The following PRR5L variants were observed in gnomAD, a reference collection of about 807,000 sequenced individuals.
The protein encoded by PRR5L is proline-rich protein 5-like.
A neutral mutation model predicts 36.4 loss-of-function variants in PRR5L; 21 were observed. The observed-to-expected ratio is 0.58, with a 90% CI of 0.41 to 0.83. The LOEUF (loss-of-function observed/expected upper bound fraction) is 0.83, where lower values mean the gene tolerates loss of function less well. Ranked by LOEUF, PRR5L falls within the 40% of genes least tolerant of loss-of-function variation. PRR5L has a pLI of 0.00. For synonymous variants in PRR5L, 188 were observed against 197.0 expected, an observed-to-expected ratio of 0.95 and a Z score of 0.38; for missense variants, 381 against 473.3, an observed-to-expected ratio of 0.80 and a Z score of 1.81.
In PRR5L at chr11:36,462,496, G is replaced by T; in HGVS notation, c.867G>T (p.Arg289=). ...TGGAGAAGTGTGGCAGCGTGCGGCG[G>T]CACACGGTGGCCAATGCCCACTCGG... ...AYLEKCGSVR[R]HTVANAHSDI... Residue 289 remains arginine (R), a synonymous_variant, in exon 9 of 9, where the codon CGG becomes CGT. Transcript: ENST00000530639. 3.1e-6 allele frequency: 5 copies of T among 1,608,150 alleles called. No homozygotes were observed. The highest frequency in any genetic ancestry group is 1.7e-4 in the Middle Eastern group (1 of 6,030).
At chr11:36,393,383 T>G (rs1857598723) in intron 1 of PRR5L, among the ~76,000 whole-genome samples, 1 of 152,218 alleles carries the variant, frequency 6.6e-6, no homozygotes, top group Admixed American at 6.5e-5. Flanking sequence ...CTAGTTTCAT[T>G]CTTCTGCATA....
intron 1 of PRR5L, among the ~76,000 whole-genome samples, chr11:36,395,254 C>A (rs1487945500): frequency 6.6e-6 from 1 of 152,198 alleles, no homozygotes; most frequent in Non-Finnish European, 1.5e-5. Context: ...AATAGTCAAG[C>A]TACCATTAAA....
chr11:36,419,306 A>C lies in PRR5L; in HGVS notation c.294+3A>C, dbSNP rs1858214465. ...CATTCATTACAGACTATTTTCAGGTAAGCTGTGTGGATCTGAGCATCCATC... is the reference window on the plus strand; with the variant it reads ...CATTCATTACAGACTATTTTCAGGTCAGCTGTGTGGATCTGAGCATCCATC... On this transcript the variant is annotated splice_donor_region_variant and intron_variant, in intron 4 of 8. Transcript: ENST00000530639. The C allele has an allele frequency of 6.2e-7, 1 of 1,613,202 alleles. No individual in the cohort carries two copies. The highest frequency in any genetic ancestry group is 1.1e-5 in the South Asian group (1 of 91,072).
chr11:36,402,076 A>G (rs1036823969), intron 2 of PRR5L, among the ~76,000 whole-genome samples: 11 of 152,222 alleles, frequency 7.2e-5, no homozygotes, highest in Non-Finnish European at 1.2e-4. Flanking sequence ...TTAGGTGTCT[A>G]GCCAACCTTT....
intron 1 of PRR5L, among the ~76,000 whole-genome samples, chr11:36,347,565 T>A (rs1242763397): frequency 6.6e-6 from 1 of 151,374 alleles, no homozygotes; most frequent in East Asian, 1.9e-4. Flanking sequence ...ACTGGGAAGG[T>A]GAAGAGTGTG....
At chr11:36,425,554 C>T (rs987296116) in intron 4 of PRR5L, 1 of 152,194 alleles carries the variant, frequency 6.6e-6, no homozygotes, top group African/African-American at 2.4e-5. Flanking sequence ...TTTAAGGCCC[C>T]AATGCACGCT....
chr11:36,320,597 T>C (rs750805516), intron 1 of PRR5L, among the ~76,000 whole-genome samples: 2 of 152,230 alleles, frequency 1.3e-5, no homozygotes, highest in African/African-American at 2.4e-5. Flanking sequence ...CTGTGAGTGT[T>C]AATTTCCTCA....
chr11:36,413,179 C>G (rs1858063169), intron 3 of PRR5L, among the ~76,000 whole-genome samples: 1 of 152,226 alleles, frequency 6.6e-6, no homozygotes, highest in African/African-American at 2.4e-5. Context: ...CCACAGTCTG[C>G]TCACAGGCTG....
chr11:36,305,478 T>A (rs1856420846), intron 1 of PRR5L, among the ~76,000 whole-genome samples: 1 of 152,196 alleles, frequency 6.6e-6, no homozygotes, highest in Non-Finnish European at 1.5e-5. Context: ...GTTGTACCTA[T>A]CTGTGAATAT....
intron 8 of PRR5L, among the ~76,000 whole-genome samples, chr11:36,461,377 C>A (rs1218800392): frequency 6.6e-6 from 1 of 152,128 alleles, no homozygotes; most frequent in African/African-American, 2.4e-5. Context: ...AATCCCAGCA[C>A]TTTGGGAGGC....
rs1859252826 is a variant in PRR5L, at chr11:36,464,341, T to C, written c.*1605T>C. The C allele has an allele frequency of 6.6e-6, 1 of 152,204 alleles. No individual in the cohort carries two copies. The highest frequency in any genetic ancestry group is 1.5e-5 in the Non-Finnish European group (1 of 68,044). The allele number at this position is 152,204 out of a possible 1,614,324, so 9.4% of individuals were successfully genotyped here. ...CTGCCACGGTGATGAGACCTTCTCATTATGTAACTCTTGATGGCATTTCCC... is the reference window on the plus strand; with the variant it reads ...CTGCCACGGTGATGAGACCTTCTCACTATGTAACTCTTGATGGCATTTCCC... On this transcript the variant is annotated 3_prime_UTR_variant, in exon 9 of 9. Coordinates refer to ENST00000530639, the MANE Select transcript of PRR5L (RefSeq NM_001160167.2).
intron 8 of PRR5L, among the ~76,000 whole-genome samples, chr11:36,460,204 ACT>A (rs1264934500): frequency 6.6e-6 from 1 of 152,188 alleles, no homozygotes; most frequent in African/African-American, 2.4e-5. Flanking sequence ...AACATTTCTC[ACT>A]GTCCTTAAAT....
intron 2 of PRR5L, among the ~76,000 whole-genome samples, chr11:36,402,964 G>A (rs566486780): frequency 6.6e-6 from 1 of 152,350 alleles, no homozygotes; most frequent in African/African-American, 2.4e-5. Context: ...CTGCTTGCAG[G>A]AAATGCCATT....
chr11:36,339,827 C>T (rs188076545), intron 1 of PRR5L, among the ~76,000 whole-genome samples: 1 of 152,334 alleles, frequency 6.6e-6, no homozygotes, highest in East Asian at 1.9e-4. Context: ...GCCAGCTACC[C>T]CACCCCATTA....
chr11:36,301,256 T>C (rs1263533527), intron 1 of PRR5L, among the ~76,000 whole-genome samples: 2 of 152,000 alleles, frequency 1.3e-5, no homozygotes, highest in Non-Finnish European at 2.9e-5. Context: ...GGTAGGCAGG[T>C]TGGGCCCTGG....
intron 1 of PRR5L, chr11:36,323,462 G>C (rs931243484): frequency 1.3e-5 from 2 of 152,212 alleles, no homozygotes; most frequent in Non-Finnish European, 2.9e-5. Flanking sequence ...TGGTAGCCAG[G>C]CTGGGCTGAA....
intron 5 of PRR5L, among the ~76,000 whole-genome samples, chr11:36,432,239 A>G (rs145095651): frequency 1.1e-3 from 166 of 151,834 alleles, no homozygotes; most frequent in African/African-American, 3.9e-3. Context: ...GGTATAAGTT[A>G]TACTGTGAAT....
intron 1 of PRR5L, chr11:36,301,203 G>C (rs1856372919): frequency 6.5e-6 from 1 of 153,622 alleles, no homozygotes; most frequent in South Asian, 2.1e-4. Flanking sequence ...GGGGTCAGAA[G>C]AGGGAGGAGG....
At chr11:36,361,567 C>T (rs1194324137) in intron 1 of PRR5L, among the ~76,000 whole-genome samples, 1 of 152,090 alleles carries the variant, frequency 6.6e-6, no homozygotes, top group Non-Finnish European at 1.5e-5. Context: ...AAGTTTGAGT[C>T]ACTGATCTCT....
Sources: gnomAD v4.1 joint callset for allele counts (sites outside exome capture counted in the v4.1 genomes callset) on GRCh38, gnomAD v4.1.1 for gene constraint, MANE v1.5 for transcripts, NCBI Gene and HGNC (gene_info 2026-07-23, HGNC 2026-07-21) for gene names.